TWF1: variants seen among roughly 807,000 people sequenced by gnomAD.
TWF1 encodes the protein twinfilin-1.
In TWF1, 14 loss-of-function variants were observed where a neutral mutation model predicts 47.9. The observed-to-expected ratio is 0.29, with a 90% CI of 0.19 to 0.46. TWF1 has a LOEUF of 0.46. Among genes scored for constraint, TWF1 ranks in the 20% least tolerant of loss-of-function variants. TWF1 has a pLI of 1.00. For missense variants in TWF1, 281 were observed against 409.3 expected, an observed-to-expected ratio of 0.69 and a Z score of 2.70; for synonymous variants, 96 against 139.2, an observed-to-expected ratio of 0.69 and a Z score of 2.18.
In TWF1 at chr12:43,797,691, C is replaced by A; in HGVS notation, c.609+17G>T. 1 of 1,608,724 alleles carries A rather than the reference C, an allele frequency of 6.2e-7. No individual in the cohort carries two copies. The highest frequency in any genetic ancestry group is 1.1e-5 in the South Asian group (1 of 90,478). On this transcript the variant is annotated intron_variant, in intron 6 of 8. Coordinates refer to ENST00000395510, the MANE Select transcript of TWF1 (RefSeq NM_002822.5). ...CCAAAAAGAGCAGCCACTTAATAAT[C>A]ATTATACATCTCTTACCAACTGCAC... is the stretch of plus-strand genomic sequence containing the variant.
intron 1 of TWF1, 62 bp downstream of exon 1, chr12:43,806,159 C>G: frequency 2.0e-6 from 3 of 1,505,032 alleles, no homozygotes; most frequent in Non-Finnish European, 2.7e-6. Flanking sequence ...TCCTGCAGCC[C>G]TCCCGGCTCT....
chr12:43,805,720 G>T, intron 1 of TWF1: 1 of 1,064,320 alleles, frequency 9.4e-7, no homozygotes, highest in Non-Finnish European at 1.3e-6. Context: ...GAGAAAATGC[G>T]GGAGAGTTTT....
At chr12:43,804,951 TGACA>T (rs966608064) in intron 1 of TWF1, among the ~76,000 whole-genome samples, 3 of 152,240 alleles carry the variant, frequency 2.0e-5, no homozygotes, top group Non-Finnish European at 4.4e-5. Flanking sequence ...TTCAAGCTTA[TGACA>T]GACACTCCTT....
At chr12:43,799,652 ATCC>A (rs1348505065) in intron 4 of TWF1, 150 bp from the exon 5 acceptor site, 8 of 514,726 alleles carry the variant, frequency 1.6e-5, no homozygotes, top group Non-Finnish European at 2.7e-5. Context: ...CTTTTCTTTA[ATCC>A]TCAATTTTAA....
At chr12:43,799,055 A>G (rs1942611116) in intron 5 of TWF1, among the ~76,000 whole-genome samples, 2 of 152,066 alleles carry the variant, frequency 1.3e-5, no homozygotes, top group African/African-American at 4.8e-5. Context: ...AGGCAACCTT[A>G]TTAGATACAT....
In TWF1 at chr12:43,803,532, G is replaced by C. The variant is rs563906271; in HGVS notation, c.103+963C>G. On this transcript the variant is annotated intron_variant, in intron 2 of 8. Coordinates refer to ENST00000395510, the MANE Select transcript of TWF1 (RefSeq NM_002822.5). Reference sequence around the variant, plus strand: ...TTAAAAATTTTCACAAAACAAAAAAGTAAAACCAGAAAATAATAACTTAGG... The same window carrying C: ...TTAAAAATTTTCACAAAACAAAAAACTAAAACCAGAAAATAATAACTTAGG... Among the ~76,000 whole-genome samples, 54 of 152,166 alleles carry C rather than the reference G, an allele frequency of 3.5e-4. 1 individual carries two copies. In the South Asian group the frequency reaches 0.011, roughly 31 times the overall value.
chr12:43,794,651 T>C lies in TWF1; in HGVS notation c.*934A>G, dbSNP rs546938203. On this transcript the variant is annotated 3_prime_UTR_variant, in exon 9 of 9. Transcript: ENST00000395510. The stretch of plus-strand genomic sequence containing the variant: ...CAAAGCATTAGAAAACAGTTAAATG[T>C]GTTTTGAAATACAGTATTAACTGAG... The C allele has an allele frequency of 1.3e-5, 2 of 151,064 alleles. No individual in the cohort carries two copies. The highest frequency in any genetic ancestry group is 4.9e-5 in the African/African-American group (2 of 41,090). The allele number at this position is 151,064 out of a possible 1,614,324, so 9.4% of individuals were successfully genotyped here.
intron 4 of TWF1, among the ~76,000 whole-genome samples, chr12:43,800,212 G>C (rs1204457898): frequency 6.6e-6 from 1 of 152,050 alleles, no homozygotes; most frequent in East Asian, 1.9e-4. Context: ...AGAAGAATCA[G>C]TATGTTTCAA....
In TWF1 at chr12:43,797,802, T is replaced by A; in HGVS notation, c.515A>T (p.His172Leu). The A allele has an allele frequency of 6.2e-7, 1 of 1,613,502 alleles. No homozygotes were observed. Among genetic ancestry groups the A allele is most frequent in the Non-Finnish European group, 8.5e-7 (1 of 1,179,524 alleles). Reference protein sequence around the residue: ...VQTDVGVDTKHQTLQGVAFPI... With the variant: ...VQTDVGVDTKLQTLQGVAFPI... ...AAATGCTACTCCTTGTAGTGTTTGA[T>A]GCTTAGTGTCCACACCCACGTCAGT... Residue 172 changes from histidine (H) to leucine (L), a missense_variant, in exon 6 of 9, where the codon CAT becomes CTT. By Grantham distance (99) the His-to-Leu change is moderately conservative (BLOSUM62 -3). Coordinates refer to ENST00000395510, the MANE Select transcript of TWF1 (RefSeq NM_002822.5).
rs770338723 is a variant in TWF1, at chr12:43,796,977, T to C, written c.881A>G (p.Lys294Arg). 2.5e-6 allele frequency: 4 copies of C among 1,607,332 alleles called. No homozygotes were observed. The highest frequency in any genetic ancestry group is 3.4e-6 in the Non-Finnish European group (4 of 1,178,498). Reference protein sequence around the residue: ...ERQLQMDVIRKIEIDNGDELT... With the variant: ...ERQLQMDVIRRIEIDNGDELT... ...AAGATTTTAAAATAGGTGGGCTACC[T>C]TTCTAATTACATCCATTTGTAGTTG... The change falls in exon 8 of 9, where the codon AAG becomes AGG. Residue 294 changes from lysine (K) to arginine (R), a missense_variant and splice_region_variant. Coordinates refer to ENST00000395510, the MANE Select transcript of TWF1 (RefSeq NM_002822.5).
chr12:43,803,633 A>C (rs1246216255), intron 2 of TWF1, among the ~76,000 whole-genome samples: 1 of 152,118 alleles, frequency 6.6e-6, no homozygotes, highest in East Asian at 1.9e-4. Flanking sequence ...CTAGTCACTT[A>C]GGAAGTGATG....
chr12:43,800,999 G>A (rs1254689860), intron 3 of TWF1, among the ~76,000 whole-genome samples: 1 of 152,006 alleles, frequency 6.6e-6, no homozygotes, highest in Non-Finnish European at 1.5e-5. Flanking sequence ...TGATCCACTC[G>A]CCTCGGCTTC....
At chr12:43,805,685 C>T (rs1592283241) in intron 1 of TWF1, 5 of 795,698 alleles carry the variant, frequency 6.3e-6, no homozygotes, top group African/African-American at 3.5e-5. Context: ...TTTCTCAGAA[C>T]ATAACTCTCA....
chr12:43,803,909 C>A (rs1480274847), intron 2 of TWF1, among the ~76,000 whole-genome samples: 2 of 152,042 alleles, frequency 1.3e-5, no homozygotes, highest in Non-Finnish European at 2.9e-5. Context: ...GTACCTATAA[C>A]AATAATTGTT....
At chr12:43,802,149 T>C in intron 3 of TWF1, 137 bp downstream of exon 3, 3 of 517,280 alleles carry the variant, frequency 5.8e-6, no homozygotes, top group South Asian at 5.0e-5. Flanking sequence ...TTCTCCGTTA[T>C]CAATCCAAGG....
chr12:43,802,586 T>C, intron 2 of TWF1, 122 bp from the exon 3 acceptor site: 1 of 749,042 alleles, frequency 1.3e-6, no homozygotes. Context: ...CATCAAAAAG[T>C]TGAAAAGAAA....
rs1263887847 is a variant in TWF1 at position 43,804,571 on chromosome 12, T to C, written c.27A>G (p.Ala9=). The C allele has an allele frequency of 6.3e-7, 1 of 1,593,496 alleles. No individual in the cohort carries two copies. MSHQTGIQ[A]SEDVKEIFAR... is the part of the protein sequence containing the mutation. ...CAAAGATCTCTTTAACATCTTCACT[T>C]GCTGTGGAAAAAGATAAAGAAAGTA... Residue 9 remains alanine, a splice_region_variant and synonymous_variant, in exon 2 of 9, where the codon GCA becomes GCG. Coordinates refer to ENST00000395510, the MANE Select transcript of TWF1 (RefSeq NM_002822.5).
At position 43,803,414 on chromosome 12, in the gene TWF1, C is replaced by T. The variant is rs186160676; in HGVS notation, c.104-950G>A. Among the ~76,000 whole-genome samples the T allele has an allele frequency of 2.2e-4, 33 of 152,092 alleles. No individual in the cohort carries two copies. The East Asian group carries it at 4.4e-3, about 20-fold the overall frequency. ...GAAAAACACTGAATTTTCTAAAATG[C>T]TTGAAGTAAATAAGATAAAATGTTA... On this transcript the variant is annotated intron_variant, in intron 2 of 8. Transcript: ENST00000395510.
intron 1 of TWF1, among the ~76,000 whole-genome samples, chr12:43,805,258 GAGTCAAT>G (rs1942737265): frequency 1.3e-5 from 2 of 152,162 alleles, no homozygotes; most frequent in South Asian, 4.1e-4. Flanking sequence ...TCAAGCATGA[GAGTCAAT>G]AACTACATAT....
Sources: allele counts gnomAD v4.1 joint callset (sites outside exome capture counted in the v4.1 genomes callset), GRCh38; gene constraint gnomAD v4.1.1; transcripts MANE v1.5; gene names NCBI Gene and HGNC (gene_info 2026-07-23, HGNC 2026-07-21).